Variants in LAMA5 observed in about 807,000 individuals in gnomAD.
LAMA5 encodes the protein laminin subunit alpha-5.
In LAMA5, 260 loss-of-function variants were observed where a neutral mutation model predicts 433.4. The observed-to-expected ratio is 0.60, with a 90% confidence interval of 0.54 to 0.66. The LOEUF (loss-of-function observed/expected upper bound fraction) is 0.66, where lower values mean the gene tolerates loss of function less well. LAMA5 is among the 30% of genes least tolerant of loss of function. The probability of loss-of-function intolerance (pLI) is 0.00; values close to 1 mark genes in which losing one functional copy is unlikely to be tolerated. For synonymous variants in LAMA5, 2,620 were observed against 2,226.6 expected (o/e 1.18, Z -4.97); for missense variants, 5,378 against 5,258.5 (o/e 1.02, Z -0.70).
chr20:62,313,331 C>T lies in LAMA5; in HGVS notation c.8788G>A (p.Ala2930Thr). Residue 2930 changes from alanine (A) to threonine (T), a missense_variant, in exon 64 of 80, where the codon GCC (alanine) becomes ACC (threonine). Ala to Thr is a moderately conservative substitution (Grantham distance 58, BLOSUM62 0). Coordinates refer to ENST00000252999, the MANE Select transcript of LAMA5 (RefSeq NM_005560.6). ...QLDTAVDRPC[A>T]RSKSTGDPWL... is the part of the protein sequence containing the mutation. ...GGGAGGGCAGGCCACACGCACCGGG[C>T]ACAAGGCCTGTCCACAGCCGTGTCC... 6.4e-7 allele frequency: 1 copy of T among 1,557,202 alleles called. No homozygotes were observed. Among genetic ancestry groups the T allele is most frequent in the East Asian group, 2.4e-5 (1 of 41,744 alleles).
At chr20:62,310,156 A>C in intron 77 of LAMA5, 22 bp downstream of exon 77, 1 of 1,611,990 alleles carries the variant, frequency 6.2e-7, no homozygotes, top group South Asian at 1.1e-5. Context: ...CTGCCCTGGC[A>C]CGCCACCTCT....
chr20:62,366,541 G>A (rs893820216), intron 1 of LAMA5, among the ~76,000 whole-genome samples: 1 of 152,214 alleles, frequency 6.6e-6, no homozygotes, highest in Non-Finnish European at 1.5e-5. Flanking sequence ...CCCATCCAGA[G>A]GCCAACAGGT....
At position 62,328,328 on chromosome 20, in the gene LAMA5, A is replaced by AGGGGGTGGCAGCCAAAGGTCT; in HGVS notation, c.4544_4564dup (p.Gln1515_Pro1521dup). 1 of 1,602,794 alleles carries AGGGGGTGGCAGCCAAAGGTCT rather than the reference A, an allele frequency of 6.2e-7. No homozygotes were observed. The highest frequency in any genetic ancestry group is 8.5e-7 in the Non-Finnish European group (1 of 1,175,378). On this transcript the variant is annotated inframe_insertion, in exon 35 of 80. Transcript: ENST00000252999. ...GCAGTTACACTCCTCACAGCCGACC[A>AGGGGGTGGCAGCCAAAGGTCT]GGGGGTGGCAGCCAAAGGTCTGGGG...
chr20:62,329,707 A>G (rs1370485692), intron 32 of LAMA5, 70 bp downstream of exon 32: 3 of 1,568,570 alleles, frequency 1.9e-6, no homozygotes, highest in Non-Finnish European at 2.6e-6. Context: ...ACCCAGCCCA[A>G]GTGTACCACA....
rs908386305 is a variant in LAMA5 at position 62,311,788 on chromosome 20, G to C, written c.9636-4C>G. Reference sequence around the variant, plus strand: ...GTCATCGACATACAGCCAGACTCTGGGGGGCGGGAGGCCGGAGGCTCGGTT... The same window carrying C: ...GTCATCGACATACAGCCAGACTCTGCGGGGCGGGAGGCCGGAGGCTCGGTT... On this transcript the variant is annotated splice_region_variant and splice_polypyrimidine_tract_variant and intron_variant, in intron 70 of 79. Coordinates refer to ENST00000252999, the MANE Select transcript of LAMA5 (RefSeq NM_005560.6). The C allele has an allele frequency of 6.4e-7, 1 of 1,557,504 alleles. No homozygotes were observed. The highest frequency in any genetic ancestry group is 1.4e-5 in the African/African-American group (1 of 73,764).
intron 1 of LAMA5, among the ~76,000 whole-genome samples, chr20:62,366,736 G>A (rs916321915): frequency 6.6e-6 from 1 of 152,204 alleles, no homozygotes; most frequent in African/African-American, 2.4e-5. Flanking sequence ...GGTCCATGCC[G>A]GGGACTTTAA....
Position 62,319,624 on chromosome 20 carries a change from C to T in LAMA5, c.6871+60G>A, listed in dbSNP as rs1987447799. 2 of 1,285,652 alleles carry T rather than the reference C, an allele frequency of 1.6e-6. 1 individual carries two copies. The highest frequency in any genetic ancestry group is 2.6e-5 in the South Asian group (2 of 78,108). 79.6% of individuals were successfully genotyped at this position (1,285,652 alleles called of 1,614,324 possible). A position where few individuals can be genotyped will look rare whatever the true frequency, so the allele number is the denominator to read the frequency against. Reference sequence around the variant, plus strand: ...GGCCAAGCTCGGCCAGGCACCCCCACCCCTACCCCAGGCAGCCCTCCTGGC... The same window carrying T: ...GGCCAAGCTCGGCCAGGCACCCCCATCCCTACCCCAGGCAGCCCTCCTGGC... On this transcript the variant is annotated intron_variant, in intron 51 of 79. Coordinates refer to ENST00000252999, the MANE Select transcript of LAMA5 (RefSeq NM_005560.6).
intron 40 of LAMA5, among the ~76,000 whole-genome samples, chr20:62,326,003 C>G (rs571021843): frequency 6.7e-4 from 102 of 152,154 alleles, no homozygotes; most frequent in African/African-American, 2.4e-3. Flanking sequence ...GGAGGATCAC[C>G]TGAAGTCAGG....
At chr20:62,363,723 G>C (rs1010477085) in intron 1 of LAMA5, among the ~76,000 whole-genome samples, 17 of 152,076 alleles carry the variant, frequency 1.1e-4, no homozygotes, top group African/African-American at 3.4e-4. Context: ...GCCTCCCTTG[G>C]GGGGCCAGAC....
At chr20:62,315,292 A>G in intron 58 of LAMA5, 85 bp from the exon 59 acceptor site, 1 of 1,192,592 alleles carries the variant, frequency 8.4e-7, no homozygotes, top group Non-Finnish European at 1.2e-6. Flanking sequence ...TTGGGCCAGC[A>G]ACAGGGACAT....
At position 62,311,149 on chromosome 20, in the gene LAMA5, G is replaced by A. The variant is rs757037717; in HGVS notation, c.10088+13C>T. 2 of 1,577,802 alleles carry A rather than the reference G, an allele frequency of 1.3e-6. No individual in the cohort carries two copies. Among genetic ancestry groups the A allele is most frequent in the Admixed American group, 1.8e-5 (1 of 55,026 alleles). Reference sequence around the variant, plus strand: ...GGCCCCTCTCAGCCCACCCCAGCCGGGCCTGGCCTTACCAGTTCCTATGTC... The same window carrying A: ...GGCCCCTCTCAGCCCACCCCAGCCGAGCCTGGCCTTACCAGTTCCTATGTC... On this transcript the variant is annotated intron_variant, in intron 73 of 79. Coordinates refer to ENST00000252999, the MANE Select transcript of LAMA5 (RefSeq NM_005560.6).
intron 37 of LAMA5, 21 bp downstream of exon 37, chr20:62,327,508 C>T (rs753093851): frequency 6.2e-7 from 1 of 1,612,456 alleles, no homozygotes; most frequent in South Asian, 1.1e-5. Context: ...GAAGGCAATG[C>T]CCTCAGTCCT....
chr20:62,336,331 C>A lies in LAMA5; in HGVS notation c.2323+9G>T, dbSNP rs1981621719. The A allele has an allele frequency of 6.3e-7, 1 of 1,586,344 alleles. No homozygotes were observed. The highest frequency in any genetic ancestry group is 1.3e-5 in the African/African-American group (1 of 74,266). On this transcript the variant is annotated intron_variant, in intron 18 of 79. Transcript: ENST00000252999. The stretch of plus-strand genomic sequence containing the variant: ...ACCCCTGTACCCCAATACTCCAGGG[C>A]ACACTCACGGGTACAGCCCTCGGGG...
In LAMA5 at chr20:62,317,237, G is replaced by A. The variant is rs909187922; in HGVS notation, c.7511+108C>T. On this transcript the variant is annotated intron_variant, in intron 55 of 79. Transcript: ENST00000252999. ...GCTGAGGAAGGCCTGGCTTCTTTGA[G>A]GACAACGGCCTCAGCCCCTAGGAGC... is the stretch of plus-strand genomic sequence containing the variant. 6.1e-6 allele frequency: 8 copies of A among 1,304,262 alleles called. No homozygotes were observed. In the African/African-American group the frequency reaches 9.0e-5, roughly 15 times the overall value. The allele number at this position is 1,304,262 out of a possible 1,614,324, so 80.8% of individuals were successfully genotyped here.
In LAMA5 at chr20:62,347,046, G is replaced by C. The variant is rs933360501; in HGVS notation, c.957-18C>G. ...ACTGCAGCCTGTGGGGTACACAGGA[G>C]GGGGGATCAGGCCCATCCTGGAGGC... On this transcript the variant is annotated intron_variant, in intron 6 of 79. Coordinates refer to ENST00000252999, the MANE Select transcript of LAMA5 (RefSeq NM_005560.6). 1.5e-5 allele frequency: 23 copies of C among 1,585,952 alleles called. No individual in the cohort carries two copies. Among genetic ancestry groups the C allele is most frequent in the Non-Finnish European group, 1.9e-5 (22 of 1,158,658 alleles).
chr20:62,366,819 C>G (rs535972509), intron 1 of LAMA5, 130 bp downstream of exon 1: 1 of 1,193,624 alleles, frequency 8.4e-7, no homozygotes, highest in African/African-American at 1.6e-5. Context: ...CTTCTTGGGC[C>G]CCCAAAATGC....
At chr20:62,361,325 G>A (rs577173042) in intron 2 of LAMA5, among the ~76,000 whole-genome samples, 12 of 152,254 alleles carry the variant, frequency 7.9e-5, no homozygotes, top group South Asian at 2.1e-4. Context: ...CCAGCTCCCC[G>A]CCCTTCTCCA....
Position 62,324,019 on chromosome 20 carries a change from G to T in LAMA5, c.5768+61C>A. On this transcript the variant is annotated intron_variant, in intron 43 of 79. Transcript: ENST00000252999. This position sits in a 1 kb window ranked among gnomAD's most constrained non-coding sequence, Gnocchi z 4.4. ...GCAGAGGGCAGTGGGAACCCACCCC[G>T]CTGCTGGGTGAAGGGAGCCTGGCAC... 1 of 1,450,794 alleles carries T rather than the reference G, an allele frequency of 6.9e-7. No individual in the cohort carries two copies. Among genetic ancestry groups the T allele is most frequent in the Non-Finnish European group, 9.1e-7 (1 of 1,097,796 alleles). The allele number at this position is 1,450,794 out of a possible 1,614,324, so 89.9% of individuals were successfully genotyped here. A position where few individuals can be genotyped will look rare whatever the true frequency, so the allele number is the denominator to read the frequency against.
Position 62,316,381 on chromosome 20 carries a change from C to T in LAMA5, c.7756+290G>A, listed in dbSNP as rs1190496614. On this transcript the variant is annotated intron_variant, in intron 57 of 79. Transcript: ENST00000252999. The stretch of plus-strand genomic sequence containing the variant: ...CGCAGCTTGGCACGCGTGTAGCCCT[C>T]GGGTCAGCAGAGCAGAGGCCACGTA... 2.6e-5 allele frequency: 14 copies of T among 538,804 alleles called. No individual in the cohort carries two copies. The Admixed American group carries it at 2.7e-4, about 10-fold the overall frequency. 33.4% of individuals were successfully genotyped at this position (538,804 alleles called of 1,614,324 possible). A position where few individuals can be genotyped will look rare whatever the true frequency, so the allele number is the denominator to read the frequency against.
Sources: allele counts gnomAD v4.1 joint callset (sites outside exome capture counted in the v4.1 genomes callset), GRCh38; gene constraint gnomAD v4.1.1; non-coding constraint Gnocchi (gnomAD v3.1); transcripts MANE v1.5; gene names NCBI Gene and HGNC (gene_info 2026-07-23, HGNC 2026-07-21).